GPR141: variants seen among roughly 807,000 people sequenced by gnomAD.
GPR141 encodes the protein probable G protein-coupled receptor 141.
In GPR141, 6 loss-of-function variants were observed where a neutral mutation model predicts 6.8. The ratio of observed to expected loss-of-function variants is 0.88; its 90% CI spans 0.48 to 1.74. GPR141 has a LOEUF of 1.74. Ranked by LOEUF, GPR141 falls within the 40% of genes most tolerant of loss-of-function variation. The probability of loss-of-function intolerance (pLI) is 0.01; values close to 1 mark genes in which losing one functional copy is unlikely to be tolerated. For synonymous variants in GPR141, 140 were observed against 142.3 expected, an observed-to-expected ratio of 0.98 and a Z score of 0.11; for missense variants, 372 against 372.9, an observed-to-expected ratio of 1.00 and a Z score of 0.02.
Position 37,743,201 on chromosome 7 carries a change from G to A in GPR141, c.*1890G>A, listed in dbSNP as rs1463059506. 1.4e-5 allele frequency among the ~76,000 whole-genome samples: 2 copies of A among 140,744 alleles called. No individual in the cohort carries two copies. Among genetic ancestry groups the A allele is most frequent in the African/African-American group, 5.3e-5 (2 of 37,590 alleles). The allele number at this position is 140,744 out of a possible 152,430, so 92.3% of individuals were successfully genotyped here. ...TTTTTTTCATCAAGGTATATCTTCGGGATTTAAAAGTTTTTCATAATTTAT... is the reference window on the plus strand; with the variant it reads ...TTTTTTTCATCAAGGTATATCTTCGAGATTTAAAAGTTTTTCATAATTTAT... On this transcript the variant is annotated 3_prime_UTR_variant, in exon 3 of 3. Coordinates refer to ENST00000334425, the MANE Select transcript of GPR141 (RefSeq NM_001381946.1).
At chr7:37,733,908 A>G (rs1002785209) in intron 2 of GPR141, among the ~76,000 whole-genome samples, 1 of 152,162 alleles carries the variant, frequency 6.6e-6, no homozygotes, top group Admixed American at 6.5e-5. Flanking sequence ...ATCGTGCCCC[A>G]TGCCTGTAAT....
At chr7:37,715,755 A>G (rs1488500671) in intron 2 of GPR141, among the ~76,000 whole-genome samples, 1 of 152,166 alleles carries the variant, frequency 6.6e-6, no homozygotes, top group Non-Finnish European at 1.5e-5. Context: ...GCCAGCAGGT[A>G]TTAGCGTCAG....
At chr7:37,703,388 A>G (rs528624068) in intron 2 of GPR141, among the ~76,000 whole-genome samples, 1 of 152,276 alleles carries the variant, frequency 6.6e-6, no homozygotes, top group East Asian at 1.9e-4. Context: ...TTTTGGCCTT[A>G]CTGAATCTGA....
At chr7:37,719,275 T>C (rs568946112) in intron 2 of GPR141, among the ~76,000 whole-genome samples, 2 of 152,290 alleles carry the variant, frequency 1.3e-5, no homozygotes, top group South Asian at 4.2e-4. Context: ...TGGTAAGATA[T>C]GACTGCAAAA....
intron 2 of GPR141, among the ~76,000 whole-genome samples, chr7:37,685,889 C>T (rs1013556295): frequency 6.6e-6 from 1 of 151,674 alleles, no homozygotes; most frequent in Non-Finnish European, 1.5e-5. Flanking sequence ...ATCAATGAGC[C>T]TGTGAAATGT....
At chr7:37,739,901 A>G (rs1214944645) in intron 2 of GPR141, among the ~76,000 whole-genome samples, 4 of 152,200 alleles carry the variant, frequency 2.6e-5, no homozygotes, top group African/African-American at 9.7e-5. Context: ...AGTATTCTAA[A>G]TGAATTAAGT....
At chr7:37,715,462 A>G (rs1811004518) in intron 2 of GPR141, among the ~76,000 whole-genome samples, 1 of 152,070 alleles carries the variant, frequency 6.6e-6, no homozygotes, top group Non-Finnish European at 1.5e-5. Context: ...TTTAAAAAAA[A>G]CCAAACCTTT....
intron 2 of GPR141, among the ~76,000 whole-genome samples, chr7:37,713,967 A>T (rs1810927770): frequency 6.6e-6 from 1 of 152,256 alleles, no homozygotes; most frequent in Non-Finnish European, 1.5e-5. Context: ...AAATGGTAAT[A>T]AGATCAGAAT....
intron 2 of GPR141, among the ~76,000 whole-genome samples, chr7:37,722,546 A>G (rs1221822805): frequency 6.6e-6 from 1 of 151,982 alleles, no homozygotes; most frequent in Non-Finnish European, 1.5e-5. Flanking sequence ...ACATGGTGAA[A>G]CCCCGTCTCT....
intron 2 of GPR141, among the ~76,000 whole-genome samples, chr7:37,689,658 C>T (rs1053251419): frequency 3.3e-5 from 5 of 151,870 alleles, no homozygotes; most frequent in Non-Finnish European, 7.4e-5. Flanking sequence ...TCCATTTTTG[C>T]TAGGTTTTCC....
intron 2 of GPR141, among the ~76,000 whole-genome samples, chr7:37,734,935 A>G (rs897706075): frequency 2.6e-5 from 4 of 152,276 alleles, no homozygotes; most frequent in African/African-American, 9.6e-5. Context: ...TAACAGTACT[A>G]TAACATATTT....
At chr7:37,694,842 C>T (rs1392965777) in intron 2 of GPR141, among the ~76,000 whole-genome samples, 2 of 152,214 alleles carry the variant, frequency 1.3e-5, no homozygotes, top group East Asian at 3.9e-4. Context: ...GCCTGGATTC[C>T]AACATTGTGG....
At chr7:37,720,238 G>T (rs1811251803) in intron 2 of GPR141, among the ~76,000 whole-genome samples, 1 of 152,128 alleles carries the variant, frequency 6.6e-6, no homozygotes, top group South Asian at 2.1e-4. Flanking sequence ...AAGAGGGCCT[G>T]CCCCAGGCAC....
intron 2 of GPR141, among the ~76,000 whole-genome samples, chr7:37,700,864 G>T (rs1583531606): frequency 2.0e-5 from 3 of 151,776 alleles, no homozygotes; most frequent in South Asian, 4.2e-4. Flanking sequence ...CTTTAATATC[G>T]CCACTAAACA....
At chr7:37,688,115 T>C (rs1329689123) in intron 2 of GPR141, among the ~76,000 whole-genome samples, 2 of 152,106 alleles carry the variant, frequency 1.3e-5, no homozygotes, top group African/African-American at 4.8e-5. Context: ...TGAACTATAT[T>C]GAATGCTTCG....
At position 37,740,686 on chromosome 7, in the gene GPR141, A is replaced by T. The variant is rs2131870331; in HGVS notation, c.293A>T (p.His98Leu). 1.2e-6 allele frequency: 2 copies of T among 1,614,114 alleles called. No individual in the cohort carries two copies. Among genetic ancestry groups the T allele is most frequent in the African/African-American group, 1.3e-5 (1 of 75,018 alleles). The change falls in exon 3 of 3, where the codon CAC (histidine) becomes CTC (leucine). Residue 98 changes from histidine (H) to leucine (L), a missense_variant. His to Leu is a moderately conservative substitution (Grantham distance 99). Coordinates refer to ENST00000334425, the MANE Select transcript of GPR141 (RefSeq NM_001381946.1). ...CKFVSAMLHIHMYLTFLFYVV... is the reference protein window; with the variant it reads ...CKFVSAMLHILMYLTFLFYVV... ...TTTGTGAGTGCCATGCTGCACATCC[A>T]CATGTACCTCACGTTCCTATTCTAT...
In GPR141 at chr7:37,740,486, G is replaced by A; in HGVS notation, c.93G>A (p.Gly31=). ...TCTACTTCATAGTGCTTATTGGCGG[G>A]CTGGTGGGTGTCATTTCCATTCTTT... The part of the protein sequence containing the change: ...ISLYFIVLIG[G]LVGVISILFL... Residue 31 remains glycine, a synonymous_variant, in exon 3 of 3, where the codon GGG becomes GGA. Coordinates refer to ENST00000334425, the MANE Select transcript of GPR141 (RefSeq NM_001381946.1). 1 of 1,614,006 alleles carries A rather than the reference G, an allele frequency of 6.2e-7. No homozygotes were observed. The highest frequency in any genetic ancestry group is 8.5e-7 in the Non-Finnish European group (1 of 1,179,912).
At position 37,743,690 on chromosome 7, in the gene GPR141, G is replaced by A. The variant is rs1317413760; in HGVS notation, c.*2379G>A. Among the ~76,000 whole-genome samples, 1 of 151,942 alleles carries A rather than the reference G, an allele frequency of 6.6e-6. No homozygotes were observed. Among genetic ancestry groups the A allele is most frequent in the African/African-American group, 2.4e-5 (1 of 41,376 alleles). ...AAAGAATTAATCTCTGTATTAATCT[G>A]TTATAATGTTAACATAACACTATGT... On this transcript the variant is annotated 3_prime_UTR_variant, in exon 3 of 3. Transcript: ENST00000334425.
In GPR141 at chr7:37,741,582, A is replaced by G. The variant is rs1346628795; in HGVS notation, c.*271A>G. Among the ~76,000 whole-genome samples the G allele has an allele frequency of 1.3e-5, 2 of 152,314 alleles. No homozygotes were observed. The highest frequency in any genetic ancestry group is 2.4e-5 in the African/African-American group (1 of 41,574). ...GTACAGAATGTCTGTGTGGCCCATG[A>G]AAGCAACATAGGTTTTAAGAGTTTT... On this transcript the variant is annotated 3_prime_UTR_variant, in exon 3 of 3. Transcript: ENST00000334425.
Sources: gnomAD v4.1 joint callset for allele counts (sites outside exome capture counted in the v4.1 genomes callset) on GRCh38, gnomAD v4.1.1 for gene constraint, MANE v1.5 for transcripts, NCBI Gene and HGNC (gene_info 2026-07-23, HGNC 2026-07-21) for gene names.